ORC3: variants seen among roughly 807,000 people sequenced by gnomAD.
ORC3 encodes the protein origin recognition complex subunit 3, also known as homolog of latheo, Drosophila.
In ORC3, 78 loss-of-function variants were observed where a neutral mutation model predicts 100.7. That is an observed-to-expected ratio of 0.77 (90% confidence interval 0.65 to 0.94). ORC3 has a LOEUF of 0.94. ORC3 is among the 40% of genes least tolerant of loss of function. The probability of loss-of-function intolerance (pLI) is 0.00; values close to 1 mark genes in which losing one functional copy is unlikely to be tolerated. For missense variants in ORC3, 789 were observed against 823.9 expected, an observed-to-expected ratio of 0.96 and a Z score of 0.52; for synonymous variants, 295 against 289.3, an observed-to-expected ratio of 1.02 and a Z score of -0.20.
intron 13 of ORC3, among the ~76,000 whole-genome samples, chr6:87,644,565 G>T (rs1189083907): frequency 6.6e-6 from 1 of 152,114 alleles, no homozygotes. Flanking sequence ...GCCGGGCGTG[G>T]TGGCACACGC....
Position 87,657,899 on chromosome 6 carries a change from A to G in ORC3, c.1594-22A>G, listed in dbSNP as rs751212701. 3.6e-5 allele frequency: 48 copies of G among 1,318,226 alleles called. 1 individual carries two copies. Among genetic ancestry groups the G allele is most frequent in the Non-Finnish European group, 4.8e-5 (44 of 911,932 alleles). 81.7% of individuals were successfully genotyped at this position (1,318,226 alleles called of 1,614,324 possible). A position where few individuals can be genotyped will look rare whatever the true frequency, so the allele number is the denominator to read the frequency against. On this transcript the variant is annotated intron_variant, in intron 15 of 19. Transcript: ENST00000392844. Reference sequence around the variant, plus strand: ...TTTTCTGTCTGAGGATCACCAGAAAAGCTATGTTCTTTTATCTATAGTCCT... The same window carrying G: ...TTTTCTGTCTGAGGATCACCAGAAAGGCTATGTTCTTTTATCTATAGTCCT...
chr6:87,594,253 C>CT, intron 1 of ORC3, 100 bp from the exon 2 acceptor site: 7 of 749,622 alleles, frequency 9.3e-6, no homozygotes, highest in South Asian at 2.2e-5. Flanking sequence ...CCCCTAACAT[C>CT]TTTTTTTAAA....
Position 87,605,907 on chromosome 6 carries a change from T to A in ORC3, c.323-10T>A. 1 of 1,428,692 alleles carries A rather than the reference T, an allele frequency of 7.0e-7. No individual in the cohort carries two copies. Among genetic ancestry groups the A allele is most frequent in the Non-Finnish European group, 9.8e-7 (1 of 1,019,950 alleles). The allele number at this position is 1,428,692 out of a possible 1,614,324, so 88.5% of individuals were successfully genotyped here. A position where few individuals can be genotyped will look rare whatever the true frequency, so the allele number is the denominator to read the frequency against. ...AAATGGTGATGTAATATTGATGTAT[T>A]ATCTCATAGGTGTGAATGTCACAGA... is the stretch of plus-strand genomic sequence containing the variant. On this transcript the variant is annotated splice_polypyrimidine_tract_variant and intron_variant, in intron 4 of 19. Coordinates refer to ENST00000392844, the MANE Select transcript of ORC3 (RefSeq NM_012381.4).
chr6:87,614,081 G>A (rs545551193), intron 8 of ORC3, among the ~76,000 whole-genome samples: 1 of 152,188 alleles, frequency 6.6e-6, no homozygotes, highest in South Asian at 2.1e-4. Flanking sequence ...TGAGGACCCT[G>A]CCCCTACAGC....
chr6:87,661,028 G>T (rs1275219520), intron 16 of ORC3, among the ~76,000 whole-genome samples: 2 of 152,216 alleles, frequency 1.3e-5, no homozygotes, highest in African/African-American at 4.8e-5. Flanking sequence ...CTTGGGAAAT[G>T]CCTGAATTTC....
chr6:87,664,805 A>G lies in ORC3; in HGVS notation c.1896A>G (p.Ala632=). ...IPNIAPDICI[A]YKLHLECSRL... ...ATATCGCCCCAGACATCTGCATAGC[A>G]TACAAACTGCACCTAGAGTGTAGCA... Residue 632 remains alanine (A), a synonymous_variant, in exon 18 of 20, where the codon GCA becomes GCG. Coordinates refer to ENST00000392844, the MANE Select transcript of ORC3 (RefSeq NM_012381.4). The G allele has an allele frequency of 1.2e-6, 2 of 1,614,178 alleles. No individual in the cohort carries two copies. The highest frequency in any genetic ancestry group is 1.7e-6 in the Non-Finnish European group (2 of 1,180,004).
At chr6:87,669,579 G>T (rs890558540), downstream of ORC3, among the ~76,000 whole-genome samples, 3 of 152,200 alleles carry the variant, frequency 2.0e-5, no homozygotes, top group Non-Finnish European at 2.9e-5. Context: ...TTGAGTGAGG[G>T]TGTGGAACAC....
intron 7 of ORC3, 44 bp from the exon 8 acceptor site, chr6:87,612,045 T>G: frequency 6.4e-7 from 1 of 1,561,128 alleles, no homozygotes; most frequent in Non-Finnish European, 8.7e-7. Flanking sequence ...TTGAAATATA[T>G]TTGCTAAATA....
chr6:87,670,297 C>A (rs1394417848), downstream of ORC3, among the ~76,000 whole-genome samples: 1 of 152,158 alleles, frequency 6.6e-6, no homozygotes, highest in African/African-American at 2.4e-5. Context: ...TCCCAAGTAG[C>A]TGGGACCACA....
chr6:87,592,992 C>G (rs929952932), intron 1 of ORC3, among the ~76,000 whole-genome samples: 4 of 152,070 alleles, frequency 2.6e-5, no homozygotes, highest in African/African-American at 9.7e-5. Context: ...ACTCAGGAGG[C>G]TGAGGCAGGA....
the ORC3 span, chr6:87,675,834 T>A: frequency 6.2e-7 from 1 of 1,600,758 alleles, no homozygotes. Context: ...ATTTTCAGTT[T>A]ATAACTTCAA....
intron 13 of ORC3, among the ~76,000 whole-genome samples, chr6:87,648,397 T>C (rs934379232): frequency 6.6e-6 from 1 of 152,266 alleles, no homozygotes; most frequent in African/African-American, 2.4e-5. Context: ...AATAATACTA[T>C]ATATGGTGTT....
chr6:87,635,299 T>A (rs897859332), intron 12 of ORC3, among the ~76,000 whole-genome samples: 9 of 152,208 alleles, frequency 5.9e-5, no homozygotes, highest in African/African-American at 2.2e-4. Context: ...GGAATCTGTT[T>A]GAGAATGCTT....
Position 87,617,777 on chromosome 6 carries a change from G to A in ORC3, c.987+1350G>A, listed in dbSNP as rs564470808. ...ATTCTGATTTTAAAAACCTATATAT[G>A]TATTAGTAACCTTTGGTGCAAAAAT... is the stretch of plus-strand genomic sequence containing the variant. On this transcript the variant is annotated intron_variant, in intron 9 of 19. Coordinates refer to ENST00000392844, the MANE Select transcript of ORC3 (RefSeq NM_012381.4). Among the ~76,000 whole-genome samples, 9 of 152,098 alleles carry A rather than the reference G, an allele frequency of 5.9e-5. No homozygotes were observed. The South Asian group carries it at 1.9e-3, about 32-fold the overall frequency.
chr6:87,602,011 A>G (rs1777942407), intron 3 of ORC3, 130 bp downstream of exon 3: 2 of 616,984 alleles, frequency 3.2e-6, no homozygotes, highest in East Asian at 2.8e-5. Context: ...TAGCCTGTAT[A>G]TCCTTAAAAA....
At chr6:87,620,993 CT>C (rs2128264070) in intron 9 of ORC3, among the ~76,000 whole-genome samples, 1 of 152,224 alleles carries the variant, frequency 6.6e-6, no homozygotes, top group East Asian at 1.9e-4. Flanking sequence ...TTGGCATTTT[CT>C]TATGAGTTTT....
intron 14 of ORC3, among the ~76,000 whole-genome samples, chr6:87,656,404 G>A (rs144331870): frequency 0.1 from 15,397 of 151,978 alleles, 826 homozygotes; most frequent in East Asian, 0.15. Context: ...CCTGGCCAAC[G>A]TGGCGAAACC....
At chr6:87,648,310 T>A (rs1023928459) in intron 13 of ORC3, among the ~76,000 whole-genome samples, 96 of 152,248 alleles carry the variant, frequency 6.3e-4, no homozygotes, top group Non-Finnish European at 1.2e-3. Context: ...CCCCTTGTAT[T>A]ATATAACCTC....
intron 1 of ORC3, among the ~76,000 whole-genome samples, chr6:87,593,282 T>G (rs1337241405): frequency 6.6e-6 from 1 of 152,256 alleles, no homozygotes; most frequent in Admixed American, 6.5e-5. Context: ...TTCCATATTC[T>G]GATTGCCTAA....
Sources: allele counts gnomAD v4.1 joint callset (sites outside exome capture counted in the v4.1 genomes callset), GRCh38; gene constraint gnomAD v4.1.1; transcripts MANE v1.5; gene names NCBI Gene and HGNC (gene_info 2026-07-23, HGNC 2026-07-21).